Variants in STS observed in about 807,000 individuals in gnomAD.
The protein encoded by STS is steroid sulfatase.
Under a neutral mutation model 26.8 loss-of-function variants are expected in STS, and 7 were observed. That is an observed-to-expected ratio of 0.26 (90% CI 0.15 to 0.49). The LOEUF (loss-of-function observed/expected upper bound fraction) is 0.49. STS is among the 20% of genes least tolerant of loss of function. The pLI is 0.98. For missense variants in STS, 434 were observed against 465.6 expected (o/e 0.93, Z 0.63); for synonymous variants, 199 against 189.4 (o/e 1.05, Z -0.42).
chrX:7,243,997 C>T (rs954647126), intron 2 of STS, among the ~76,000 whole-genome samples: 5 of 110,771 alleles, frequency 4.5e-5, no homozygotes, highest in East Asian at 2.8e-4. Flanking sequence ...TGAACCCGGG[C>T]GGCAGAGGTT....
chrX:7,239,860 A>G (rs994918300), intron 2 of STS, among the ~76,000 whole-genome samples: 1 of 99,473 alleles, frequency 1.0e-5, no homozygotes, highest in Non-Finnish European at 2.0e-5. Flanking sequence ...AATAATTTAT[A>G]TACAGTGGGA....
chrX:7,259,856 TTTG>T (rs1172174856), intron 6 of STS, 84 bp downstream of exon 6: 38 of 1,102,273 alleles, frequency 3.4e-5, no homozygotes, highest in East Asian at 2.1e-4. Context: ...CCAACAGGGT[TTTG>T]TTGTTGTTGT....
rs1388783298 is a variant in STS at position 7,259,652 on chromosome X, T to G, written c.686T>G (p.Leu229Arg). The change falls in exon 6 of 11, where the codon CTT becomes CGT. Residue 229 changes from leucine to arginine, a missense_variant. Transcript: ENST00000674429. ...ATCCTGACCCTTTTCTTGGGCTTCC[T>G]TCATTACTTCCGGCCCCTGAACTGC... ...ALILTLFLGF[L>R]HYFRPLNCFM... The G allele has an allele frequency of 2.5e-6, 3 of 1,211,309 alleles. No homozygotes were observed. The South Asian group carries it at 5.3e-5, about 21-fold the overall frequency.
rs1244410938 is a variant in STS, at chrX:7,202,486, C to T, written c.-5+11478C>T. On this transcript the variant is annotated intron_variant, in intron 2 of 10. Coordinates refer to ENST00000674429, the MANE Select transcript of STS (RefSeq NM_001320752.2). ...CAACATCACCCAAGGACTTGACCTC[C>T]TCTTCCGGGGAAGGGGATTACTGCA... is the stretch of plus-strand genomic sequence containing the variant. 4.5e-5 allele frequency among the ~76,000 whole-genome samples: 5 copies of T among 112,025 alleles called. No individual in the cohort carries two copies. In the Admixed American group the frequency reaches 4.8e-4, roughly 11 times the overall value.
intron 8 of STS, among the ~76,000 whole-genome samples, chrX:7,308,873 C>G (rs1478525623): frequency 8.9e-6 from 1 of 111,815 alleles, no homozygotes; most frequent in African/African-American, 3.3e-5. Context: ...TCTAGAGCTG[C>G]AAACTCGAAC....
chrX:7,275,161 G>C (rs1480050041), intron 6 of STS, among the ~76,000 whole-genome samples: 11 of 110,701 alleles, frequency 9.9e-5, no homozygotes, highest in African/African-American at 3.6e-4. Flanking sequence ...ATGGGGAATG[G>C]GGACATGTTG....
At chrX:7,216,062 CAT>C (rs1921297427) in intron 2 of STS, among the ~76,000 whole-genome samples, 1 of 111,921 alleles carries the variant, frequency 8.9e-6, no homozygotes, top group Non-Finnish European at 1.9e-5. Flanking sequence ...GCATAGCAAA[CAT>C]ATTGGAATGT....
intron 8 of STS, among the ~76,000 whole-genome samples, chrX:7,305,782 T>TA (rs1288235365): frequency 1.8e-5 from 2 of 111,751 alleles, no homozygotes; most frequent in Non-Finnish European, 3.8e-5. Context: ...CTCCTTCACT[T>TA]ACTCTGACAC....
At chrX:7,243,857 A>C (rs1445850234) in intron 2 of STS, among the ~76,000 whole-genome samples, 3 of 111,592 alleles carry the variant, frequency 2.7e-5, no homozygotes, top group Non-Finnish European at 5.7e-5. Context: ...TGAGATCAGG[A>C]GTTCGAGACC....
intron 2 of STS, among the ~76,000 whole-genome samples, chrX:7,239,803 C>T (rs1358787842): frequency 9.1e-6 from 1 of 110,035 alleles, no homozygotes; most frequent in Non-Finnish European, 1.9e-5. Context: ...TTCTTGTAAG[C>T]CAGGCTTGTA....
intron 7 of STS, among the ~76,000 whole-genome samples, chrX:7,304,051 A>T (rs1009191416): frequency 9.3e-6 from 1 of 107,646 alleles, no homozygotes; most frequent in African/African-American, 3.5e-5. Context: ...TCTCTACAAG[A>T]TTTTTTTTCT....
At chrX:7,333,472 G>A (rs1927857404) in intron 9 of STS, among the ~76,000 whole-genome samples, 1 of 112,018 alleles carries the variant, frequency 8.9e-6, no homozygotes, top group African/African-American at 3.2e-5. Flanking sequence ...ATTCTAAGGA[G>A]AAATTTGCAT....
At chrX:7,269,690 A>G (rs1227687709) in intron 6 of STS, among the ~76,000 whole-genome samples, 1 of 111,433 alleles carries the variant, frequency 9.0e-6, no homozygotes, top group Non-Finnish European at 1.9e-5. Flanking sequence ...TATAGATGGA[A>G]GACATGAACA....
intron 9 of STS, among the ~76,000 whole-genome samples, chrX:7,333,101 G>A (rs973661749): frequency 1.8e-5 from 2 of 111,935 alleles, no homozygotes; most frequent in African/African-American, 6.5e-5. Flanking sequence ...GTTTCTAAAC[G>A]CCTTGTAACA....
intron 1 of STS, among the ~76,000 whole-genome samples, chrX:7,150,165 A>G (rs1475319652): frequency 8.9e-6 from 1 of 112,006 alleles, no homozygotes; most frequent in Non-Finnish European, 1.9e-5. Context: ...TTTTTTTGGT[A>G]TTGTAACCAC....
chrX:7,258,260 G>A (rs1186226789), intron 5 of STS, among the ~76,000 whole-genome samples: 1 of 93,550 alleles, frequency 1.1e-5, no homozygotes, highest in Non-Finnish European at 2.2e-5. Flanking sequence ...AGATATGATA[G>A]ATGGTTGGAT....
At position 7,353,967 on chromosome X, in the gene STS, T is replaced by C. The variant is rs1452887008; in HGVS notation, c.*3706T>C. On this transcript the variant is annotated 3_prime_UTR_variant, in exon 11 of 11. Coordinates refer to ENST00000674429, the MANE Select transcript of STS (RefSeq NM_001320752.2). ...GACCTCACATCCATCTGAGGCTTCA[T>C]GGACAAAGATTCTCCACTTGGCCAA... The C allele has an allele frequency of 8.9e-6, 1 of 112,177 alleles. No individual in the cohort carries two copies. Among genetic ancestry groups the C allele is most frequent in the African/African-American group, 3.2e-5 (1 of 30,832 alleles). 9.2% of individuals were successfully genotyped at this position (112,177 alleles called of 1,213,427 possible).
At chrX:7,336,362 C>T (rs770494381) in intron 10 of STS, among the ~76,000 whole-genome samples, 39 of 109,596 alleles carry the variant, frequency 3.6e-4, no homozygotes, top group African/African-American at 1.2e-3. Flanking sequence ...ACTCACCTAG[C>T]CAATTTACCC....
chrX:7,314,588 G>A (rs1232275795), intron 8 of STS, among the ~76,000 whole-genome samples: 1 of 113,081 alleles, frequency 8.8e-6, no homozygotes, highest in Non-Finnish European at 1.9e-5. Context: ...ATTGCCGTAG[G>A]CAGAGTGATT....
Sources: gnomAD v4.1 joint callset for allele counts (sites outside exome capture counted in the v4.1 genomes callset) on GRCh38, gnomAD v4.1.1 for gene constraint, MANE v1.5 for transcripts, NCBI Gene and HGNC (gene_info 2026-07-23, HGNC 2026-07-21) for gene names.